CCDC181: variants seen among roughly 807,000 people sequenced by gnomAD.
CCDC181 encodes the protein coiled-coil domain-containing protein 181.
CCDC181 carries 35 observed loss-of-function variants against 58.7 expected under a neutral mutation model. The ratio of observed to expected loss-of-function variants is 0.60; its 90% CI spans 0.46 to 0.79. The LOEUF (loss-of-function observed/expected upper bound fraction) is 0.79. CCDC181 is among the 30% of genes least tolerant of loss of function. The pLI, the probability that CCDC181 is intolerant of heterozygous loss-of-function variation, is 0.00. For synonymous variants in CCDC181, 183 were observed against 197.5 expected, an observed-to-expected ratio of 0.93 and a Z score of 0.62; for missense variants, 517 against 583.9, an observed-to-expected ratio of 0.89 and a Z score of 1.18.
At chr1:169,400,615 A>C (rs1176896500) in intron 4 of CCDC181, among the ~76,000 whole-genome samples, 3 of 152,250 alleles carry the variant, frequency 2.0e-5, no homozygotes, top group Non-Finnish European at 2.9e-5. Flanking sequence ...CTAATATGTA[A>C]GAAATGAACA....
In CCDC181 at chr1:169,424,922, A is replaced by G; in HGVS notation, c.6T>C (p.Asn2=). ...TCTTTGAATCAGTATCTTTATTTTCATTCATTTTCTGTTTGTGAAGGAAAT... is the reference window on the plus strand; with the variant it reads ...TCTTTGAATCAGTATCTTTATTTTCGTTCATTTTCTGTTTGTGAAGGAAAT... M[N]ENKDTDSKKS... is the part of the protein sequence containing the mutation. The change falls in exon 2 of 6, where the codon AAT becomes AAC. Residue 2 remains asparagine, a synonymous_variant. Transcript: ENST00000367806. The G allele has an allele frequency of 2.6e-6, 4 of 1,557,606 alleles. No individual in the cohort carries two copies. The highest frequency in any genetic ancestry group is 3.5e-6 in the Non-Finnish European group (4 of 1,131,490).
At chr1:169,435,130 T>C (rs923452611) in intron 2 of CCDC181, among the ~76,000 whole-genome samples, 3 of 152,082 alleles carry the variant, frequency 2.0e-5, no homozygotes, top group Middle Eastern at 3.4e-3. Context: ...CAATAAAAAG[T>C]TTTAGACAAA....
At chr1:169,441,075 T>C (rs1306751569) in intron 2 of CCDC181, among the ~76,000 whole-genome samples, 1 of 152,156 alleles carries the variant, frequency 6.6e-6, no homozygotes, top group African/African-American at 2.4e-5. Flanking sequence ...TTAAAACTAA[T>C]ACTAACCTTG....
chr1:169,400,461 G>C (rs947599536), intron 4 of CCDC181, among the ~76,000 whole-genome samples: 1 of 151,806 alleles, frequency 6.6e-6, no homozygotes, highest in African/African-American at 2.4e-5. Context: ...AAAATCACTG[G>C]ATATCTAAAG....
At chr1:169,402,740 T>C (rs1320243314) in intron 4 of CCDC181, among the ~76,000 whole-genome samples, 1 of 152,128 alleles carries the variant, frequency 6.6e-6, no homozygotes, top group East Asian at 1.9e-4. Context: ...AGGAAGAAAC[T>C]GCATCAACTA....
rs139911179 is a variant in CCDC181 at position 169,444,234 on chromosome 1, T to G, written c.-24+15563A>C. On this transcript the variant is annotated intron_variant, in intron 2 of 6. Transcript: ENST00000545005. ...TTAAATCAGGATAGTGCTTTTTTAT[T>G]TGACACCTATGATGGTGTAGAGCTT... Among the ~76,000 whole-genome samples, 7 of 152,286 alleles carry G rather than the reference T, an allele frequency of 4.6e-5. No individual in the cohort carries two copies. The East Asian group carries it at 1.3e-3, about 29-fold the overall frequency.
intron 4 of CCDC181, among the ~76,000 whole-genome samples, chr1:169,407,057 GA>G (rs33976978): frequency 0.34 from 39,723 of 118,566 alleles, 6,121 homozygotes; most frequent in East Asian, 0.78. Context: ...AGATGAGGCA[GA>G]AAAAAAAAAA....
intron 4 of CCDC181, among the ~76,000 whole-genome samples, chr1:169,407,019 T>C (rs1001366373): frequency 1.7e-4 from 25 of 144,638 alleles, no homozygotes; most frequent in South Asian, 2.2e-4. Flanking sequence ...ATACGTAAAA[T>C]TGGATTTCCA....
rs544758461 is a variant in CCDC181 at position 169,407,985 on chromosome 1, A to G, written c.1216-10594T>C. ...CTACACCACCAGGGCCCTGGGTTTC[A>G]AGCACAAAACTGGGTGGCCGTTTGG... On this transcript the variant is annotated intron_variant, in intron 4 of 5. Coordinates refer to ENST00000367806, the MANE Select transcript of CCDC181 (RefSeq NM_001300969.2). Among the ~76,000 whole-genome samples, 9 of 152,270 alleles carry G rather than the reference A, an allele frequency of 5.9e-5. No homozygotes were observed. The South Asian group carries it at 1.9e-3, about 32-fold the overall frequency.
chr1:169,401,709 T>A (rs7554689), intron 4 of CCDC181, among the ~76,000 whole-genome samples: 2 of 151,992 alleles, frequency 1.3e-5, no homozygotes, highest in African/African-American at 4.8e-5. Context: ...GAAACCAGAG[T>A]AGAAAAGCTG....
intron 3 of CCDC181, among the ~76,000 whole-genome samples, chr1:169,420,954 A>G (rs1656425180): frequency 6.6e-6 from 1 of 152,220 alleles, no homozygotes; most frequent in African/African-American, 2.4e-5. Context: ...CATGCAAATA[A>G]AAGAATTATA....
chr1:169,411,682 C>CG (rs1194616264), intron 4 of CCDC181, among the ~76,000 whole-genome samples: 1 of 150,120 alleles, frequency 6.7e-6, no homozygotes, highest in African/African-American at 2.4e-5. Flanking sequence ...AAAAGTTCAA[C>CG]ATCAAGTCAA....
chr1:169,433,081 C>T (rs537736782), intron 2 of CCDC181, among the ~76,000 whole-genome samples: 6 of 152,002 alleles, frequency 3.9e-5, no homozygotes, highest in Admixed American at 2.0e-4. Context: ...AGGTCTTATA[C>T]GTAGAAAACC....
In CCDC181 at chr1:169,444,493, T is replaced by A. The variant is rs16862180; in HGVS notation, c.-24+15304A>T. On this transcript the variant is annotated intron_variant, in intron 2 of 6. Transcript: ENST00000545005. ...AGACACGTTCCTAATGGTTGTTTCCTACAATGACCTTAAACTTTTTTAAAA... is the reference window on the plus strand; with the variant it reads ...AGACACGTTCCTAATGGTTGTTTCCAACAATGACCTTAAACTTTTTTAAAA... Among the ~76,000 whole-genome samples the A allele has an allele frequency of 0.055, 8,395 of 152,264 alleles. 1,394 individuals are homozygous for A. In the East Asian group the frequency reaches 0.66, roughly 12 times the overall value.
At chr1:169,449,944 CT>C (rs750305176) in intron 2 of CCDC181, among the ~76,000 whole-genome samples, 25 of 152,198 alleles carry the variant, frequency 1.6e-4, no homozygotes, top group Non-Finnish European at 2.5e-4. Flanking sequence ...AACTATCACA[CT>C]TCCTAAGGAC....
At chr1:169,416,817 G>A (rs1557867369) in intron 4 of CCDC181, among the ~76,000 whole-genome samples, 2 of 151,736 alleles carry the variant, frequency 1.3e-5, no homozygotes, top group Non-Finnish European at 2.9e-5. Context: ...TGAAAGTACT[G>A]CCCATCCCAA....
rs181199523 is a variant in CCDC181 at position 169,405,636 on chromosome 1, C to T, written c.1216-8245G>A. Among the ~76,000 whole-genome samples the T allele has an allele frequency of 1.6e-3, 239 of 152,240 alleles. 1 individual carries two copies. The highest frequency in any genetic ancestry group is 4.8e-3 in the African/African-American group (201 of 41,544). Reference sequence around the variant, plus strand: ...AAGCTGAAACTGGATTCCTTCCTTACGCCTTATACAAAAATTAATTCAAGA... The same window carrying T: ...AAGCTGAAACTGGATTCCTTCCTTATGCCTTATACAAAAATTAATTCAAGA... On this transcript the variant is annotated intron_variant, in intron 4 of 5. Coordinates refer to ENST00000367806, the MANE Select transcript of CCDC181 (RefSeq NM_001300969.2).
At chr1:169,404,869 T>A (rs1394227703) in intron 4 of CCDC181, among the ~76,000 whole-genome samples, 1 of 152,202 alleles carries the variant, frequency 6.6e-6, no homozygotes, top group Non-Finnish European at 1.5e-5. Context: ...GAAGTCAAAT[T>A]GTCCCTGTTT....
At chr1:169,443,266 G>C (rs1233925854) in intron 2 of CCDC181, 1 of 151,926 alleles carries the variant, frequency 6.6e-6, no homozygotes, top group Non-Finnish European at 1.5e-5. Flanking sequence ...CATTTGTTTA[G>C]TAGATTTTTA....
Sources: gnomAD v4.1 joint callset for allele counts (sites outside exome capture counted in the v4.1 genomes callset) on GRCh38, gnomAD v4.1.1 for gene constraint, MANE v1.5 for transcripts, NCBI Gene and HGNC (gene_info 2026-07-23, HGNC 2026-07-21) for gene names.